Variants in ACSM2B observed in about 807,000 individuals in gnomAD.
The protein encoded by ACSM2B is acyl-CoA synthetase medium chain family member 2B, also known as acyl-coenzyme A synthetase ACSM2B, mitochondrial.
ACSM2B carries 58 observed loss-of-function variants against 78.6 expected under a neutral mutation model. The observed-to-expected ratio is 0.74, with a 90% CI of 0.60 to 0.92. The LOEUF (loss-of-function observed/expected upper bound fraction) is 0.92, where lower values mean the gene tolerates loss of function less well. Among genes scored for constraint, ACSM2B ranks in the 40% least tolerant of loss-of-function variants. The pLI, the probability that ACSM2B is intolerant of heterozygous loss-of-function variation, is 0.00. For missense variants in ACSM2B, 688 were observed against 711.2 expected (o/e 0.97, Z 0.37); for synonymous variants, 257 against 256.8 (o/e 1.00, Z -0.01).
chr16:20,565,062 C>G (rs889915490), intron 1 of ACSM2B, among the ~76,000 whole-genome samples: 2 of 152,096 alleles, frequency 1.3e-5, no homozygotes, highest in African/African-American at 4.8e-5. Flanking sequence ...CAGACCCAGT[C>G]CTAGATCCTA....
At chr16:20,559,944 C>A (rs28639795) in intron 2 of ACSM2B, among the ~76,000 whole-genome samples, 3 of 151,006 alleles carry the variant, frequency 2.0e-5, no homozygotes, top group East Asian at 3.9e-4. Flanking sequence ...AATAAAAAGG[C>A]AAATATCACT....
intron 12 of ACSM2B, 174 bp from the exon 13 acceptor site, chr16:20,540,947 T>A (rs1197140771): frequency 1.0e-6 from 1 of 996,562 alleles, no homozygotes; most frequent in Non-Finnish European, 1.4e-6. Flanking sequence ...GTTCCAGCTC[T>A]CTCTGAAGTC....
At chr16:20,538,820 G>A (rs192211375) in intron 13 of ACSM2B, among the ~76,000 whole-genome samples, 31 of 152,190 alleles carry the variant, frequency 2.0e-4, no homozygotes, top group Admixed American at 5.2e-4. Context: ...TGTTGAACCC[G>A]ACAGTCTGAT....
chr16:20,574,506 T>G (rs2016190657), intron 1 of ACSM2B: 1 of 151,988 alleles, frequency 6.6e-6, no homozygotes, highest in Non-Finnish European at 1.5e-5. Flanking sequence ...CAATTTATGT[T>G]CAGAGATTGC....
chr16:20,576,013 G>C (rs2016240329), intron 1 of ACSM2B, among the ~76,000 whole-genome samples, 194 bp downstream of exon 1: 1 of 149,050 alleles, frequency 6.7e-6, no homozygotes. Context: ...TCTCCCTGTT[G>C]CTGCCATAAA....
chr16:20,548,735 T>C (rs1181895998), intron 6 of ACSM2B, among the ~76,000 whole-genome samples: 2 of 152,126 alleles, frequency 1.3e-5, no homozygotes, highest in Non-Finnish European at 2.9e-5. Context: ...ATCCTGGATG[T>C]CTGTTCCTGC....
intron 2 of ACSM2B, among the ~76,000 whole-genome samples, chr16:20,562,769 C>A (rs1259071532): frequency 1.3e-5 from 2 of 152,088 alleles, no homozygotes; most frequent in Non-Finnish European, 2.9e-5. Context: ...GTCATGTAAC[C>A]AGAAGTCACA....
At chr16:20,544,092 T>C (rs537190273) in intron 10 of ACSM2B, among the ~76,000 whole-genome samples, 2 of 152,308 alleles carry the variant, frequency 1.3e-5, no homozygotes, top group African/African-American at 2.4e-5. Flanking sequence ...GTCTGTTTCC[T>C]TTTTTATCAA....
intron 2 of ACSM2B, among the ~76,000 whole-genome samples, chr16:20,561,216 A>C (rs539674272): frequency 2.0e-5 from 3 of 152,046 alleles, no homozygotes; most frequent in Non-Finnish European, 4.4e-5. Context: ...TATATAAGGT[A>C]CTATATTAGG....
intron 1 of ACSM2B, chr16:20,574,203 CT>C (rs1481166259): frequency 6.6e-6 from 1 of 151,972 alleles, no homozygotes; most frequent in Non-Finnish European, 1.5e-5. Context: ...TATAGGCTTT[CT>C]GCAAGAAGAA....
At chr16:20,539,147 G>C (rs1269627334) in intron 13 of ACSM2B, among the ~76,000 whole-genome samples, 2 of 147,586 alleles carry the variant, frequency 1.4e-5, no homozygotes, top group East Asian at 4.0e-4. Context: ...TTGAGACTAA[G>C]TCACAGTGCA....
At chr16:20,552,957 T>C (rs905923056) in intron 5 of ACSM2B, among the ~76,000 whole-genome samples, 26 of 152,150 alleles carry the variant, frequency 1.7e-4, no homozygotes, top group Non-Finnish European at 2.6e-4. Context: ...AAGTCTCACT[T>C]TATATCTGCA....
chr16:20,565,918 T>C (rs1029474295), intron 1 of ACSM2B, among the ~76,000 whole-genome samples: 5 of 151,820 alleles, frequency 3.3e-5, no homozygotes, highest in African/African-American at 7.3e-5. Flanking sequence ...ACATATGATG[T>C]TTGGTTTTCC....
chr16:20,553,438 G>A (rs1027430861), intron 5 of ACSM2B, among the ~76,000 whole-genome samples: 4 of 152,202 alleles, frequency 2.6e-5, no homozygotes, highest in Admixed American at 1.3e-4. Context: ...CCCTCTTGGA[G>A]TGTGGGCGGT....
intron 2 of ACSM2B, 37 bp downstream of exon 2, chr16:20,564,632 A>C: frequency 6.2e-7 from 1 of 1,605,520 alleles, no homozygotes; most frequent in Non-Finnish European, 8.5e-7. Flanking sequence ...AAGTCAACAA[A>C]ATTGTCTCAC....
rs190627383 is a variant in ACSM2B at position 20,539,939 on chromosome 16, G to T, written c.1629+715C>A. ...AGGAATGCCTGGGACTAGCCATAAT[G>T]AAAGCTTTCTTCACCCCAGGACTTT... On this transcript the variant is annotated intron_variant, in intron 13 of 13. Coordinates refer to ENST00000329697, the MANE Select transcript of ACSM2B (RefSeq NM_001105069.2). 5.9e-5 allele frequency among the ~76,000 whole-genome samples: 9 copies of T among 152,338 alleles called. No homozygotes were observed. The East Asian group carries it at 1.5e-3, about 26-fold the overall frequency.
intron 12 of ACSM2B, chr16:20,540,983 T>C (rs867252630): frequency 5.4e-6 from 3 of 558,222 alleles, no homozygotes; most frequent in African/African-American, 3.8e-5. Context: ...AGGTGGACAA[T>C]AGATTGAGAC....
chr16:20,542,255 C>T (rs553124348), intron 12 of ACSM2B: 15 of 149,154 alleles, frequency 1.0e-4, no homozygotes, highest in African/African-American at 3.8e-4. Context: ...CCCACTTCCC[C>T]ACCCACACAC....
intron 13 of ACSM2B, among the ~76,000 whole-genome samples, chr16:20,537,833 G>C (rs887411000): frequency 6.6e-6 from 1 of 152,166 alleles, no homozygotes; most frequent in African/African-American, 2.4e-5. Context: ...AATAGCTGTG[G>C]TTATTAATCT....
Sources: allele counts gnomAD v4.1 joint callset (sites outside exome capture counted in the v4.1 genomes callset), GRCh38; gene constraint gnomAD v4.1.1; transcripts MANE v1.5; gene names NCBI Gene and HGNC (gene_info 2026-07-23, HGNC 2026-07-21).